The following GRAMD4 variants were observed in gnomAD, a reference collection of about 807,000 sequenced individuals.
The protein encoded by GRAMD4 is GRAM domain containing 4, also known as GRAM domain-containing protein 4.
In GRAMD4, 25 loss-of-function variants were observed where a neutral mutation model predicts 83.9. The observed-to-expected ratio is 0.30, with a 90% CI of 0.22 to 0.42. The LOEUF is 0.42. Ranked by LOEUF, GRAMD4 falls within the 10% of genes least tolerant of loss-of-function variation. The pLI is 1.00. For synonymous variants in GRAMD4, 336 were observed against 320.9 expected, an observed-to-expected ratio of 1.05 and a Z score of -0.50; for missense variants, 593 against 788.7, an observed-to-expected ratio of 0.75 and a Z score of 2.97.
At chr22:46,584,656 A>G (rs986413825) in intron 1 of GRAMD4, among the ~76,000 whole-genome samples, 7 of 152,096 alleles carry the variant, frequency 4.6e-5, no homozygotes, top group Admixed American at 2.0e-4. Context: ...GGCTCCCGGT[A>G]TGCTGCCGCA....
At chr22:46,666,128 C>T (rs892159685) in intron 9 of GRAMD4, among the ~76,000 whole-genome samples, 20 of 152,206 alleles carry the variant, frequency 1.3e-4, no homozygotes, top group Admixed American at 2.6e-4. Flanking sequence ...GCAGACAGCA[C>T]GCCCGTGTGA....
In GRAMD4 at chr22:46,601,640, A is replaced by T. The variant is rs577757662; in HGVS notation, c.-50+24350A>T. Among the ~76,000 whole-genome samples, 10 of 151,922 alleles carry T rather than the reference A, an allele frequency of 6.6e-5. No homozygotes were observed. The East Asian group carries it at 1.9e-3, about 29-fold the overall frequency. On this transcript the variant is annotated intron_variant, in intron 1 of 1. Transcript: ENST00000431155. ...GTGAAACCCCATCTCTACTAAAAATAAAAAAATTAGCCAGACATGTTGGCA... is the reference window on the plus strand; with the variant it reads ...GTGAAACCCCATCTCTACTAAAAATTAAAAAATTAGCCAGACATGTTGGCA...
intron 1 of GRAMD4, among the ~76,000 whole-genome samples, chr22:46,608,084 G>A (rs1002632080): frequency 2.3e-4 from 35 of 152,208 alleles, no homozygotes; most frequent in African/African-American, 8.2e-4. Flanking sequence ...CACTTAGTGC[G>A]TGGCTCGGTC....
chr22:46,602,760 C>CTTTT (rs1569253826), intron 1 of GRAMD4, among the ~76,000 whole-genome samples: 1 of 51,322 alleles, frequency 1.9e-5, no homozygotes, highest in Non-Finnish European at 4.3e-5. Context: ...GTCCATTTTT[C>CTTTT]TCTTTTTTTT....
chr22:46,633,494 G>A (rs548344130), intron 2 of GRAMD4, among the ~76,000 whole-genome samples: 2 of 152,248 alleles, frequency 1.3e-5, no homozygotes, highest in Non-Finnish European at 2.9e-5. Context: ...AGGGCTGGCT[G>A]TGTGGGGCTG....
chr22:46,628,344 C>G (rs2081703909), intron 2 of GRAMD4, among the ~76,000 whole-genome samples: 1 of 152,174 alleles, frequency 6.6e-6, no homozygotes, highest in Non-Finnish European at 1.5e-5. Flanking sequence ...TCGTCCCTGT[C>G]CTCTGTGGCC....
chr22:46,623,582 G>A (rs1284740944), intron 1 of GRAMD4, among the ~76,000 whole-genome samples: 1 of 151,652 alleles, frequency 6.6e-6, no homozygotes, highest in Non-Finnish European at 1.5e-5. Flanking sequence ...ATTTTTAGTA[G>A]AGATGCAGTT....
chr22:46,642,064 A>C (rs2081981964), intron 3 of GRAMD4, among the ~76,000 whole-genome samples: 1 of 152,334 alleles, frequency 6.6e-6, no homozygotes, highest in Non-Finnish European at 1.5e-5. Flanking sequence ...GTGTGTTTTG[A>C]TCATTCTGGC....
rs958776319 is a variant in GRAMD4, at chr22:46,672,554, G to A, written c.1085-289G>A. Among the ~76,000 whole-genome samples the A allele has an allele frequency of 6.6e-6, 1 of 151,122 alleles. No individual in the cohort carries two copies. The highest frequency in any genetic ancestry group is 1.5e-5 in the Non-Finnish European group (1 of 67,802). On this transcript the variant is annotated intron_variant, in intron 13 of 18. Coordinates refer to ENST00000406902, the MANE Select transcript of GRAMD4 (RefSeq NM_015124.5). The surrounding 1 kb of genome is among the most constrained non-coding windows in gnomAD (Gnocchi z 4.7). Reference sequence around the variant, plus strand: ...GCGGAGTTGGAGAGAGAAGTGAGGGGCATTGGATGGGGGGGTCCTAGCAGA... The same window carrying A: ...GCGGAGTTGGAGAGAGAAGTGAGGGACATTGGATGGGGGGGTCCTAGCAGA...
At chr22:46,644,476 T>C (rs2082037570) in intron 3 of GRAMD4, among the ~76,000 whole-genome samples, 1 of 152,134 alleles carries the variant, frequency 6.6e-6, no homozygotes, top group South Asian at 2.1e-4. Flanking sequence ...CTGTCCCCGT[T>C]GCAGGTTACA....
chr22:46,589,178 T>A (rs1946679399), intron 1 of GRAMD4, among the ~76,000 whole-genome samples: 1 of 151,424 alleles, frequency 6.6e-6, no homozygotes, highest in Non-Finnish European at 1.5e-5. Flanking sequence ...TCAGTGTCCT[T>A]GTCCCTCCAG....
intron 5 of GRAMD4, 28 bp from the exon 6 acceptor site, chr22:46,663,012 G>C (rs1374048870): frequency 6.3e-7 from 1 of 1,582,194 alleles, no homozygotes; most frequent in Non-Finnish European, 8.6e-7. Context: ...GCCCTGCCGT[G>C]CCCTCACCGG....
chr22:46,630,460 GGCCCGAGATT>G (rs2147184589), intron 2 of GRAMD4, among the ~76,000 whole-genome samples: 1 of 152,336 alleles, frequency 6.6e-6, no homozygotes, highest in East Asian at 1.9e-4. Context: ...GCCATGCAGA[GGCCCGAGATT>G]GCCCTTTTCC....
intron 1 of GRAMD4, among the ~76,000 whole-genome samples, chr22:46,598,546 G>A (rs1454510240): frequency 2.0e-5 from 3 of 151,898 alleles, no homozygotes; most frequent in Admixed American, 6.6e-5. Flanking sequence ...TCTGGTTACC[G>A]GCTTGATTTG....
chr22:46,586,053 A>G (rs972616515), intron 1 of GRAMD4, among the ~76,000 whole-genome samples: 9 of 151,524 alleles, frequency 5.9e-5, no homozygotes, highest in South Asian at 2.1e-4. Flanking sequence ...CGTTTCCCCA[A>G]CCCTATGGAG....
intron 3 of GRAMD4, among the ~76,000 whole-genome samples, chr22:46,643,175 C>T (rs1259649282): frequency 1.6e-4 from 23 of 141,998 alleles, no homozygotes; most frequent in East Asian, 4.3e-4. Flanking sequence ...ATCCATCCAT[C>T]CATCCATCCA....
At chr22:46,630,642 C>T (rs895403496) in intron 2 of GRAMD4, among the ~76,000 whole-genome samples, 1 of 152,218 alleles carries the variant, frequency 6.6e-6, no homozygotes, top group African/African-American at 2.4e-5. Context: ...CGTGGCGGAC[C>T]CCAAGCAGCC....
In GRAMD4 at chr22:46,677,254, T is replaced by C; in HGVS notation, c.*3T>C. 1.2e-6 allele frequency: 2 copies of C among 1,604,858 alleles called. No homozygotes were observed. Among genetic ancestry groups the C allele is most frequent in the Non-Finnish European group, 1.7e-6 (2 of 1,177,504 alleles). ...CAGCGTCTGGCGGGGACAGCTAGTA[T>C]TGACTTGCCCAGGACGTTGCTGGAA... On this transcript the variant is annotated 3_prime_UTR_variant, in exon 19 of 19. Transcript: ENST00000406902.
chr22:46,594,134 C>T (rs2081236915), intron 1 of GRAMD4, among the ~76,000 whole-genome samples: 1 of 151,140 alleles, frequency 6.6e-6, no homozygotes, highest in East Asian at 2.0e-4. Context: ...ATCCTGCCAG[C>T]CCCACCCCAG....
Sources: allele counts gnomAD v4.1 joint callset (sites outside exome capture counted in the v4.1 genomes callset), GRCh38; gene constraint gnomAD v4.1.1; non-coding constraint Gnocchi (gnomAD v3.1); transcripts MANE v1.5; gene names NCBI Gene and HGNC (gene_info 2026-07-23, HGNC 2026-07-21).